Variants in ADGRA2 observed in about 807,000 individuals in gnomAD.
ADGRA2 encodes G-protein coupled receptor 124.
ADGRA2 carries 61 observed loss-of-function variants against 98.7 expected under a neutral mutation model. That is an observed-to-expected ratio of 0.62 (90% CI 0.50 to 0.76). The LOEUF is 0.76. ADGRA2 is among the 30% of genes least tolerant of loss of function. ADGRA2 has a pLI of 0.00. For missense variants in ADGRA2, 1,712 were observed against 1,860.0 expected (o/e 0.92, Z 1.46); for synonymous variants, 858 against 831.5 (o/e 1.03, Z -0.55).
At chr8:37,837,615 C>T in intron 13 of ADGRA2, 116 bp from the exon 14 acceptor site, 1 of 855,404 alleles carries the variant, frequency 1.2e-6, no homozygotes, top group Non-Finnish European at 1.9e-6. Context: ...GCACTGTGCC[C>T]TGCCTGGCAG....
intron 16 of ADGRA2, among the ~76,000 whole-genome samples, 162 bp downstream of exon 16, chr8:37,839,784 G>T (rs912866050): frequency 6.6e-6 from 1 of 152,208 alleles, no homozygotes; most frequent in Non-Finnish European, 1.5e-5. Context: ...GTGGGTCGTG[G>T]AGAGTGAAAG....
At chr8:37,821,021 C>T (rs368977419) in intron 2 of ADGRA2, among the ~76,000 whole-genome samples, 25 of 152,194 alleles carry the variant, frequency 1.6e-4, no homozygotes, top group South Asian at 4.1e-4. Context: ...CCTCCTGGGC[C>T]GCCCAGGGAG....
chr8:37,815,709 G>A (rs1166801955), intron 2 of ADGRA2, among the ~76,000 whole-genome samples: 3 of 152,232 alleles, frequency 2.0e-5, no homozygotes, highest in East Asian at 1.9e-4. Context: ...TGGAGAGGTA[G>A]GGTAAGCCCT....
Position 37,837,778 on chromosome 8 carries a change from C to G in ADGRA2, c.2098C>G (p.Arg700Gly). The G allele has an allele frequency of 6.4e-7, 1 of 1,551,518 alleles. No homozygotes were observed. The highest frequency in any genetic ancestry group is 8.7e-7 in the Non-Finnish European group (1 of 1,147,518). Residue 700 changes from arginine (R) to glycine (G), a missense_variant, in exon 14 of 19, where the codon CGG becomes GGG. Transcript: ENST00000412232. The stretch of plus-strand genomic sequence containing the variant: ...GACAGAGCCAGTGGCCGTTTCGCTG[C>G]GGCACTGGGCTGAGGGAGCCGAACC... ...NLTEPVAVSL[R>G]HWAEGAEPVA...
rs779260211 is a variant in ADGRA2 at position 37,833,962 on chromosome 8, C to T, written c.1447-5C>T. ...CTGCCCTCAGCAACTTCCCTGTCCC[C>T]CCAGCTGGTAGAGGTGATGGTGGAC... On this transcript the variant is annotated splice_polypyrimidine_tract_variant and splice_region_variant and intron_variant, in intron 10 of 18. Coordinates refer to ENST00000412232, the MANE Select transcript of ADGRA2 (RefSeq NM_032777.10). 6.2e-7 allele frequency: 1 copy of T among 1,610,918 alleles called. No homozygotes were observed. The highest frequency in any genetic ancestry group is 1.1e-5 in the South Asian group (1 of 90,894).
intron 16 of ADGRA2, 146 bp from the exon 17 acceptor site, chr8:37,839,975 G>A: frequency 1.4e-6 from 1 of 720,796 alleles, no homozygotes; most frequent in South Asian, 1.9e-5. Context: ...ATGGAAGCTT[G>A]GCGAGTGTAT....
chr8:37,824,178 TGCGCCACCACGCCCA>T (rs1359114406), intron 2 of ADGRA2, among the ~76,000 whole-genome samples: 84 of 152,162 alleles, frequency 5.5e-4, no homozygotes, highest in Admixed American at 3.7e-3. Flanking sequence ...ATTACAGGCA[TGCGCCACCACGCCCA>T]GCTAATTTTT....
intron 2 of ADGRA2, among the ~76,000 whole-genome samples, chr8:37,826,735 G>T (rs984396225): frequency 6.6e-6 from 1 of 152,142 alleles, no homozygotes; most frequent in African/African-American, 2.4e-5. Context: ...TCCTCCCAGC[G>T]GGCAGCCGGC....
chr8:37,819,676 T>C (rs1449065694), intron 2 of ADGRA2, among the ~76,000 whole-genome samples: 1 of 149,218 alleles, frequency 6.7e-6, no homozygotes, highest in Non-Finnish European at 1.5e-5. Flanking sequence ...GGCCTTTTTC[T>C]TTTTTCTTTT....
In ADGRA2 at chr8:37,797,302, C is replaced by T. The variant is rs1804356360; in HGVS notation, c.34C>T (p.Pro12Ser). 2 of 1,313,116 alleles carry T rather than the reference C, an allele frequency of 1.5e-6. No individual in the cohort carries two copies. The highest frequency in any genetic ancestry group is 3.1e-5 in the East Asian group (1 of 31,802). The allele number at this position is 1,313,116 out of a possible 1,614,324, so 81.3% of individuals were successfully genotyped here. ...CGGGGGACGCAGGATGCGGGGGGCGCCCGCGCGCCTGCTGCTGCCGCTGCT... is the reference window on the plus strand; with the variant it reads ...CGGGGGACGCAGGATGCGGGGGGCGTCCGCGCGCCTGCTGCTGCCGCTGCT... ...GAGGRRMRGA[P>S]ARLLLPLLPW... is the part of the protein sequence containing the mutation. The change falls in exon 1 of 19, where the codon CCC (proline) becomes TCC (serine). Residue 12 changes from proline (P) to serine (S), a missense_variant. Transcript: ENST00000412232. The surrounding 1 kb of genome is among the most constrained non-coding windows in gnomAD (Gnocchi z 5.3).
At chr8:37,828,021 G>A (rs56686817) in intron 2 of ADGRA2, among the ~76,000 whole-genome samples, 3,417 of 151,916 alleles carry the variant, frequency 0.022, 137 homozygotes, top group African/African-American at 0.077. Context: ...GCACACCTGT[G>A]GTGCCAGTTG....
At chr8:37,829,109 C>A in intron 3 of ADGRA2, 150 bp downstream of exon 3, 1 of 767,138 alleles carries the variant, frequency 1.3e-6, no homozygotes, top group Non-Finnish European at 2.1e-6. Flanking sequence ...AAGGAGCTGG[C>A]ATTTCCAGTC....
In ADGRA2 at chr8:37,844,512, G is replaced by A. The variant is rs375795488; in HGVS notation, c.*2157G>A. On this transcript the variant is annotated 3_prime_UTR_variant, in exon 19 of 19. Transcript: ENST00000412232. ...CCATCAGGGAGGGTTAGGGACACTC[G>A]TGGCAGCCTGTCTAGCAGCCTGGGC... 5.2e-5 allele frequency: 84 copies of A among 1,613,308 alleles called. No individual in the cohort carries two copies. Among genetic ancestry groups the A allele is most frequent in the African/African-American group, 3.2e-4 (24 of 75,012 alleles).
Position 37,834,147 on chromosome 8 carries a change from G to A in ADGRA2, c.1608+19G>A. On this transcript the variant is annotated intron_variant, in intron 11 of 18. Coordinates refer to ENST00000412232, the MANE Select transcript of ADGRA2 (RefSeq NM_032777.10). The surrounding 1 kb of genome is among the most constrained non-coding windows in gnomAD (Gnocchi z 4.2). ...CTCAGTGGTAATGGGGGTCAGCAGAGGGGGTGGCCCTGGCATGCAGAGGAG... is the reference window on the plus strand; with the variant it reads ...CTCAGTGGTAATGGGGGTCAGCAGAAGGGGTGGCCCTGGCATGCAGAGGAG... The A allele has an allele frequency of 6.3e-7, 1 of 1,598,160 alleles. No individual in the cohort carries two copies. Among genetic ancestry groups the A allele is most frequent in the Non-Finnish European group, 8.5e-7 (1 of 1,171,820 alleles).
chr8:37,838,993 G>C lies in ADGRA2; in HGVS notation c.2297G>C (p.Gly766Ala), dbSNP rs1228021414. ...TTTCCCAGGGAGGTGGGGGGCGCCG[G>C]GGCAGGGCTGCACCCCGTGGTATAC... ...SAFPREVGGA[G>A]AGLHPVVYPC... The change falls in exon 15 of 19, where the codon GGG (glycine) becomes GCG (alanine). Residue 766 changes from glycine to alanine, a missense_variant. Gly to Ala is a moderately conservative substitution (Grantham distance 60). Coordinates refer to ENST00000412232, the MANE Select transcript of ADGRA2 (RefSeq NM_032777.10). 6.3e-7 allele frequency: 1 copy of C among 1,583,800 alleles called. No homozygotes were observed. Among genetic ancestry groups the C allele is most frequent in the South Asian group, 1.2e-5 (1 of 85,996 alleles).
In ADGRA2 at chr8:37,841,035, CCA is replaced by C; in HGVS notation, c.2748-49_2748-48del. The C allele has an allele frequency of 6.5e-7, 1 of 1,530,296 alleles. No individual in the cohort carries two copies. Among genetic ancestry groups the C allele is most frequent in the African/African-American group, 1.4e-5 (1 of 73,602 alleles). The allele number at this position is 1,530,296 out of a possible 1,614,324, so 94.8% of individuals were successfully genotyped here. ...TCCCCAACCACCCCGGCCCCCAGCC[CCA>C]CCCCAGCCATGCCCCCTGTCCTCAT... On this transcript the variant is annotated intron_variant, in intron 18 of 18. Coordinates refer to ENST00000412232, the MANE Select transcript of ADGRA2 (RefSeq NM_032777.10). This position sits in a 1 kb window ranked among gnomAD's most constrained non-coding sequence, Gnocchi z 5.0.
At chr8:37,825,315 C>T (rs968496700) in intron 2 of ADGRA2, among the ~76,000 whole-genome samples, 4 of 152,094 alleles carry the variant, frequency 2.6e-5, no homozygotes, top group Admixed American at 2.6e-4. Context: ...GAAATCTCAG[C>T]TCACTGCAAC....
intron 13 of ADGRA2, among the ~76,000 whole-genome samples, chr8:37,836,084 CACACACACACA>C (rs1805606371): frequency 1.3e-5 from 2 of 148,760 alleles, no homozygotes; most frequent in East Asian, 2.1e-4. Flanking sequence ...CACACACACA[CACACACACACA>C]CACCCCACAG....
At chr8:37,822,524 T>A (rs1235641230) in intron 2 of ADGRA2, among the ~76,000 whole-genome samples, 2 of 151,996 alleles carry the variant, frequency 1.3e-5, no homozygotes, top group Non-Finnish European at 2.9e-5. Flanking sequence ...TTCTAGTATA[T>A]TTTACAGAAT....
Sources: gnomAD v4.1 joint callset for allele counts (sites outside exome capture counted in the v4.1 genomes callset) on GRCh38, gnomAD v4.1.1 for gene constraint, Gnocchi (gnomAD v3.1) non-coding constraint, MANE v1.5 for transcripts, NCBI Gene and HGNC (gene_info 2026-07-23, HGNC 2026-07-21) for gene names.